ABTB3: variants seen among roughly 807,000 people sequenced by gnomAD.
ABTB3 encodes ankyrin repeat- and BTB/POZ domain-containing protein 3.
chr12:107,509,637 A>T, the ABTB3 span, among the ~76,000 whole-genome samples: 2 of 152,178 alleles, frequency 1.3e-5, no homozygotes, highest in East Asian at 3.9e-4. Flanking sequence ...AGCTTCGGGG[A>T]CACTTCCCAA....
At chr12:107,392,442 C>G in the ABTB3 span, among the ~76,000 whole-genome samples, 1 of 152,208 alleles carries the variant, frequency 6.6e-6, no homozygotes, top group Non-Finnish European at 1.5e-5. Flanking sequence ...CCCTGCCTCT[C>G]CCTCCCTGCC....
chr12:107,616,002 C>T, the ABTB3 span, among the ~76,000 whole-genome samples: 4 of 152,102 alleles, frequency 2.6e-5, no homozygotes, highest in Admixed American at 2.0e-4. Flanking sequence ...TCATGGGAAT[C>T]CTTTGTTGTT....
At chr12:107,472,828 G>A in the ABTB3 span, among the ~76,000 whole-genome samples, 1 of 152,176 alleles carries the variant, frequency 6.6e-6, no homozygotes, top group African/African-American at 2.4e-5. Flanking sequence ...AGCATTGAGG[G>A]TCCCATAAGG....
the ABTB3 span, among the ~76,000 whole-genome samples, chr12:107,611,423 T>C: frequency 6.6e-6 from 1 of 152,302 alleles, no homozygotes; most frequent in Non-Finnish European, 1.5e-5. Context: ...TCAAGGAATC[T>C]TCCCACTTTG....
the ABTB3 span, among the ~76,000 whole-genome samples, chr12:107,610,613 A>G: frequency 6.6e-6 from 1 of 152,194 alleles, no homozygotes; most frequent in Non-Finnish European, 1.5e-5. Context: ...GGCCCATTCC[A>G]GAAAGGAAAT....
the ABTB3 span, among the ~76,000 whole-genome samples, chr12:107,550,620 A>T: frequency 7.0e-6 from 1 of 143,384 alleles, no homozygotes; most frequent in African/African-American, 2.6e-5. Flanking sequence ...TCAATCTGTC[A>T]CCCAGGTTGG....
chr12:107,590,094 A>T, the ABTB3 span, among the ~76,000 whole-genome samples: 3 of 151,908 alleles, frequency 2.0e-5, no homozygotes, highest in Admixed American at 6.6e-5. Flanking sequence ...ATTTTTTTTT[A>T]GTAGAGACAG....
the ABTB3 span, among the ~76,000 whole-genome samples, chr12:107,563,850 G>A: frequency 1.3e-5 from 2 of 152,134 alleles, no homozygotes. Flanking sequence ...ACAGCACGTT[G>A]GTGCTAGATA....
chr12:107,440,514 G>A, the ABTB3 span, among the ~76,000 whole-genome samples: 12 of 152,112 alleles, frequency 7.9e-5, no homozygotes, highest in East Asian at 1.9e-4. Context: ...TCTCTCTCTC[G>A]GCTCTTTCTT....
the ABTB3 span, chr12:107,580,859 A>T: frequency 2.6e-6 from 4 of 1,547,418 alleles, no homozygotes; most frequent in East Asian, 7.3e-5. Context: ...ATATTCCCAG[A>T]TCAGTTACCT....
At chr12:107,428,822 C>A in the ABTB3 span, among the ~76,000 whole-genome samples, 3 of 152,254 alleles carry the variant, frequency 2.0e-5, no homozygotes, top group Non-Finnish European at 4.4e-5. Flanking sequence ...CGGTGCCAGG[C>A]ACCGTGATAG....
At chr12:107,613,869 T>TG in the ABTB3 span, among the ~76,000 whole-genome samples, 3 of 152,090 alleles carry the variant, frequency 2.0e-5, no homozygotes, top group Non-Finnish European at 2.9e-5. Context: ...TGTGTGTGTG[T>TG]TTTTTTAATG....
chr12:107,604,653 T>A, the ABTB3 span, among the ~76,000 whole-genome samples: 1 of 152,192 alleles, frequency 6.6e-6, no homozygotes, highest in Non-Finnish European at 1.5e-5. Flanking sequence ...GGAACCCTTG[T>A]ACACTGCTGG....
chr12:107,427,393 C>T, the ABTB3 span, among the ~76,000 whole-genome samples: 3 of 152,100 alleles, frequency 2.0e-5, no homozygotes, highest in Non-Finnish European at 2.9e-5. Flanking sequence ...ACCACCCTCC[C>T]GCCTCAACCT....
chr12:107,385,012 G>A, the ABTB3 span, among the ~76,000 whole-genome samples: 1 of 152,172 alleles, frequency 6.6e-6, no homozygotes, highest in Non-Finnish European at 1.5e-5. Flanking sequence ...TTGCACTTCT[G>A]CCCGTCCTCA....
chr12:107,522,441 T>A, the ABTB3 span, among the ~76,000 whole-genome samples: 1 of 152,278 alleles, frequency 6.6e-6, no homozygotes, highest in Non-Finnish European at 1.5e-5. Context: ...TTTAGTATAT[T>A]TACCAGGGTA....
the ABTB3 span, among the ~76,000 whole-genome samples, chr12:107,404,778 G>T: frequency 2.0e-5 from 3 of 152,146 alleles, no homozygotes; most frequent in South Asian, 4.1e-4. Context: ...CCTGGCTGAG[G>T]CGGCCCCAAT....
the ABTB3 span, among the ~76,000 whole-genome samples, chr12:107,477,073 G>A: frequency 9.2e-5 from 14 of 152,258 alleles, no homozygotes; most frequent in Non-Finnish European, 1.2e-4. Context: ...GCTCCTCAGG[G>A]ACATTAAAAT....
chr12:107,541,169 G>A, the ABTB3 span, among the ~76,000 whole-genome samples: 1 of 152,208 alleles, frequency 6.6e-6, no homozygotes, highest in Non-Finnish European at 1.5e-5. Flanking sequence ...CCCTCAGACA[G>A]GAAACAGGAA....
Sources: allele counts gnomAD v4.1 joint callset (sites outside exome capture counted in the v4.1 genomes callset), GRCh38; gene constraint gnomAD v4.1.1; transcripts MANE v1.5; gene names NCBI Gene and HGNC (gene_info 2026-07-23, HGNC 2026-07-21).